The following ATE1 variants were observed in gnomAD, a reference collection of about 807,000 sequenced individuals.
ATE1 encodes arginyltransferase 1.
A neutral mutation model predicts 70.5 loss-of-function variants in ATE1; 36 were observed. That is an observed-to-expected ratio of 0.51 (90% CI 0.39 to 0.67). The LOEUF is 0.67. Ranked by LOEUF, ATE1 falls within the 30% of genes least tolerant of loss-of-function variation. The pLI, the probability that ATE1 is intolerant of heterozygous loss-of-function variation, is 0.00. For synonymous variants in ATE1, 232 were observed against 219.3 expected, an observed-to-expected ratio of 1.06 and a Z score of -0.51; for missense variants, 593 against 629.5, an observed-to-expected ratio of 0.94 and a Z score of 0.62.
intron 4 of ATE1, 57 bp from the exon 5 acceptor site, chr10:121,911,208 A>G: frequency 5.8e-6 from 9 of 1,556,086 alleles, no homozygotes; most frequent in Non-Finnish European, 7.8e-6. Flanking sequence ...ACAGTTAGGT[A>G]AATACAGAAA....
chr10:121,842,707 C>G (rs760839848), intron 8 of ATE1, among the ~76,000 whole-genome samples: 1 of 152,122 alleles, frequency 6.6e-6, no homozygotes, highest in African/African-American at 2.4e-5. Context: ...AATTAATGAA[C>G]AATCAATGTA....
At chr10:121,927,266 A>G (rs952861198) in intron 1 of ATE1, 22 of 985,214 alleles carry the variant, frequency 2.2e-5, no homozygotes, top group Non-Finnish European at 2.7e-5. Flanking sequence ...TAAAAATTTC[A>G]AACAGATCAG....
intron 10 of ATE1, among the ~76,000 whole-genome samples, chr10:121,790,994 ATATATGTG>A (rs1184011541): frequency 1.3e-5 from 2 of 151,254 alleles, no homozygotes; most frequent in African/African-American, 4.9e-5. Flanking sequence ...GTATACATAC[ATATATGTG>A]TATATATGTA....
intron 7 of ATE1, among the ~76,000 whole-genome samples, chr10:121,872,832 T>C (rs1949909810): frequency 6.6e-6 from 1 of 152,168 alleles, no homozygotes; most frequent in South Asian, 2.1e-4. Flanking sequence ...ATCACTTGTC[T>C]GATATGACTA....
Position 121,899,887 on chromosome 10 carries a change from A to C in ATE1, c.921T>G (p.Pro307=). 6.2e-7 allele frequency: 1 copy of C among 1,612,534 alleles called. No individual in the cohort carries two copies. Among genetic ancestry groups the C allele is most frequent in the East Asian group, 2.2e-5 (1 of 44,866 alleles). Residue 307 remains proline, a synonymous_variant, in exon 7 of 12, where the codon CCT becomes CCG. Coordinates refer to ENST00000224652, the MANE Select transcript of ATE1 (RefSeq NM_001001976.3). ...TGACCTGGCTTTCGGTTGGCGTATC[A>C]GGTGGGTTCTTGTGAATAACCATCT... ...RYQMVIHKNP[P]DTPTESQFTR...
chr10:121,877,021 T>C (rs1190094154), intron 7 of ATE1, among the ~76,000 whole-genome samples: 2 of 150,218 alleles, frequency 1.3e-5, no homozygotes, highest in African/African-American at 4.9e-5. Flanking sequence ...GCAAACAAAA[T>C]CATCATAAAC....
intron 5 of ATE1, 107 bp from the exon 6 acceptor site, chr10:121,902,727 G>A (rs1951031207): frequency 1.8e-6 from 2 of 1,118,244 alleles, no homozygotes; most frequent in African/African-American, 3.2e-5. Flanking sequence ...TCAATGGTTA[G>A]GCTAGCTTTG....
chr10:121,824,923 G>C (rs1947946386), intron 10 of ATE1, among the ~76,000 whole-genome samples: 1 of 150,306 alleles, frequency 6.7e-6, no homozygotes, highest in Non-Finnish European at 1.5e-5. Context: ...ATAAATATTT[G>C]AAAAGCATGG....
intron 7 of ATE1, among the ~76,000 whole-genome samples, chr10:121,876,654 A>G (rs1950058491): frequency 6.6e-6 from 1 of 152,232 alleles, no homozygotes. Context: ...GCTACACTCA[A>G]AAAGAATGGA....
At chr10:121,837,426 C>T (rs1948471366) in intron 9 of ATE1, among the ~76,000 whole-genome samples, 1 of 152,110 alleles carries the variant, frequency 6.6e-6, no homozygotes, top group Admixed American at 6.6e-5. Context: ...CACTATAACG[C>T]CTATGCATGA....
chr10:121,793,143 C>A (rs1405152685), intron 10 of ATE1, among the ~76,000 whole-genome samples: 1 of 152,054 alleles, frequency 6.6e-6, no homozygotes, highest in African/African-American at 2.4e-5. Context: ...ATATGAATGC[C>A]TAATAAGCAT....
intron 11 of ATE1, among the ~76,000 whole-genome samples, chr10:121,748,629 TAATC>T (rs1260988333): frequency 2.0e-5 from 3 of 152,092 alleles, no homozygotes; most frequent in Non-Finnish European, 4.4e-5. Flanking sequence ...GCACAGAAAT[TAATC>T]AAGTTCAATA....
chr10:121,863,679 A>T (rs890853298), intron 8 of ATE1, among the ~76,000 whole-genome samples: 7 of 152,258 alleles, frequency 4.6e-5, no homozygotes, highest in African/African-American at 1.7e-4. Flanking sequence ...GTGCAATCAT[A>T]GCTCACTGCA....
intron 5 of ATE1, among the ~76,000 whole-genome samples, chr10:121,906,115 A>G (rs1951179570): frequency 6.6e-6 from 1 of 152,262 alleles, no homozygotes; most frequent in Admixed American, 6.5e-5. Flanking sequence ...AATGCAAGCT[A>G]GCCATGATGG....
intron 8 of ATE1, among the ~76,000 whole-genome samples, chr10:121,866,568 C>T (rs908874506): frequency 1.3e-5 from 2 of 152,006 alleles, no homozygotes; most frequent in East Asian, 1.9e-4. Flanking sequence ...ATATTTGTGG[C>T]CGGGCGCAGT....
At chr10:121,842,793 G>C (rs1445115883) in intron 8 of ATE1, among the ~76,000 whole-genome samples, 1 of 152,112 alleles carries the variant, frequency 6.6e-6, no homozygotes, top group Non-Finnish European at 1.5e-5. Context: ...TTACTGGCAA[G>C]ACCCAACACC....
intron 11 of ATE1, among the ~76,000 whole-genome samples, chr10:121,754,196 G>A (rs1944702943): frequency 6.6e-6 from 1 of 152,148 alleles, no homozygotes; most frequent in Non-Finnish European, 1.5e-5. Context: ...TCTGCTGAGA[G>A]GGCTTAGAAG....
In ATE1 at chr10:121,870,356, C is replaced by A. The variant is rs74231239; in HGVS notation, c.943-318G>T. On this transcript the variant is annotated intron_variant, in intron 7 of 11. Coordinates refer to ENST00000224652, the MANE Select transcript of ATE1 (RefSeq NM_001001976.3). ...CACAACTCCTACATAATAAAAACATCTTTTAAGGAGAAAAATCAGCAATCT... is the reference window on the plus strand; with the variant it reads ...CACAACTCCTACATAATAAAAACATATTTTAAGGAGAAAAATCAGCAATCT... Among the ~76,000 whole-genome samples, 19 of 152,246 alleles carry A rather than the reference C, an allele frequency of 1.2e-4. No homozygotes were observed. In the East Asian group the frequency reaches 3.7e-3, roughly 29 times the overall value.
intron 11 of ATE1, among the ~76,000 whole-genome samples, chr10:121,785,563 G>C (rs2133226304): frequency 6.6e-6 from 1 of 152,240 alleles, no homozygotes; most frequent in East Asian, 1.9e-4. Context: ...AAATGCCAGG[G>C]TACCATGCCA....
Sources: gnomAD v4.1 joint callset for allele counts (sites outside exome capture counted in the v4.1 genomes callset) on GRCh38, gnomAD v4.1.1 for gene constraint, MANE v1.5 for transcripts, NCBI Gene and HGNC (gene_info 2026-07-23, HGNC 2026-07-21) for gene names.